The following ANGEL2 variants were observed in gnomAD, a reference collection of about 807,000 sequenced individuals.
ANGEL2 encodes angel homolog 2, also known as RNA 2',3'-cyclic phosphatase ANGEL2.
In ANGEL2, 41 loss-of-function variants were observed where a neutral mutation model predicts 66.0. The ratio of observed to expected loss-of-function variants is 0.62; its 90% CI spans 0.48 to 0.81. The LOEUF (loss-of-function observed/expected upper bound fraction) is 0.81, where lower values mean the gene tolerates loss of function less well. Ranked by LOEUF, ANGEL2 falls within the 30% of genes least tolerant of loss-of-function variation. The probability of loss-of-function intolerance (pLI) is 0.00; values close to 1 mark genes in which losing one functional copy is unlikely to be tolerated. For synonymous variants in ANGEL2, 208 were observed against 226.5 expected (o/e 0.92, Z 0.73); for missense variants, 561 against 641.6 (o/e 0.87, Z 1.36).
In ANGEL2 at chr1:212,997,180, T is replaced by A; in HGVS notation, c.1458A>T (p.Glu486Asp). ...CTGGGTGCCCAGCAACATCTTCCTT[T>A]TCTGCAGAGTAGAAAATATAATCCA... is the stretch of plus-strand genomic sequence containing the variant. Reference protein sequence around the residue: ...ITVDYIFYSAEKEDVAGHPGA... With the variant: ...ITVDYIFYSADKEDVAGHPGA... Residue 486 changes from glutamate to aspartate, a missense_variant, in exon 8 of 9, where the codon GAA becomes GAT. Glu to Asp is a conservative substitution (Grantham distance 45). Transcript: ENST00000366962. The A allele has an allele frequency of 6.2e-7, 1 of 1,613,554 alleles. No individual in the cohort carries two copies. Among genetic ancestry groups the A allele is most frequent in the Non-Finnish European group, 8.5e-7 (1 of 1,179,568 alleles).
intron 1 of ANGEL2, among the ~76,000 whole-genome samples, chr1:213,014,608 A>G (rs1412369866): frequency 6.6e-6 from 1 of 152,244 alleles, no homozygotes; most frequent in Admixed American, 6.5e-5. Context: ...AAAAGCTATT[A>G]TCTATATTTG....
chr1:213,014,582 A>G (rs922656365), intron 1 of ANGEL2, among the ~76,000 whole-genome samples: 3 of 152,242 alleles, frequency 2.0e-5, no homozygotes, highest in Non-Finnish European at 4.4e-5. Context: ...GTATTGAAAT[A>G]TAATACTTGT....
At position 212,992,773 on chromosome 1, in the gene ANGEL2, T is replaced by C. The variant is rs920060003; in HGVS notation, c.*2268A>G. 3.9e-5 allele frequency: 6 copies of C among 152,222 alleles called. No individual in the cohort carries two copies. The highest frequency in any genetic ancestry group is 8.8e-5 in the Non-Finnish European group (6 of 68,034). The allele number at this position is 152,222 out of a possible 1,614,324, so 9.4% of individuals were successfully genotyped here. On this transcript the variant is annotated 3_prime_UTR_variant, in exon 9 of 9. Coordinates refer to ENST00000366962, the MANE Select transcript of ANGEL2 (RefSeq NM_144567.5). ...AAATTTTCACAGAGGTTTTCAGGGA[T>C]GTTTGTTTGTTAACAATGACCTATA...
At chr1:213,015,460 G>T in intron 1 of ANGEL2, 153 bp downstream of exon 1, 1 of 1,449,476 alleles carries the variant, frequency 6.9e-7, no homozygotes, top group South Asian at 1.4e-5. Context: ...GGTCTCTGGA[G>T]GCTCGTCCCG....
chr1:213,006,951 G>A (rs1280555538), intron 4 of ANGEL2, 178 bp downstream of exon 4: 19 of 457,150 alleles, frequency 4.2e-5, no homozygotes, highest in South Asian at 1.0e-4. Flanking sequence ...ATAATTGGCC[G>A]GGCATGGTGG....
Position 212,994,971 on chromosome 1 carries a change from A to C in ANGEL2, c.*70T>G, listed in dbSNP as rs1400530637. On this transcript the variant is annotated 3_prime_UTR_variant, in exon 9 of 9. Coordinates refer to ENST00000366962, the MANE Select transcript of ANGEL2 (RefSeq NM_144567.5). ...GTGCAAAAATAAACAACATGCATAC[A>C]CTTAAGAACTTTACATTCTTTGAAA... 7 of 1,410,458 alleles carry C rather than the reference A, an allele frequency of 5.0e-6. No individual in the cohort carries two copies. The highest frequency in any genetic ancestry group is 6.6e-6 in the Non-Finnish European group (7 of 1,063,598). The allele number at this position is 1,410,458 out of a possible 1,614,324, so 87.4% of individuals were successfully genotyped here.
At chr1:213,004,865 C>CT (rs2076276910) in intron 5 of ANGEL2, among the ~76,000 whole-genome samples, 168 bp downstream of exon 5, 1 of 35,242 alleles carries the variant, frequency 2.8e-5, no homozygotes, top group African/African-American at 1.2e-4. Flanking sequence ...GAGACTGTCT[C>CT]AAAAAAAAAA....
chr1:212,995,636 C>G (rs763408439), intron 8 of ANGEL2, among the ~76,000 whole-genome samples: 5 of 152,194 alleles, frequency 3.3e-5, no homozygotes, highest in Non-Finnish European at 5.9e-5. Flanking sequence ...AGATGACATG[C>G]TCTTTTTGAA....
chr1:213,001,098 T>C (rs1315518076), intron 5 of ANGEL2, 186 bp from the exon 6 acceptor site: 3 of 557,582 alleles, frequency 5.4e-6, no homozygotes. Flanking sequence ...AAAGCACTTA[T>C]CATTTACATA....
At chr1:213,015,278 A>C (rs1048829021) in intron 1 of ANGEL2, 2 of 1,168,880 alleles carry the variant, frequency 1.7e-6, no homozygotes, top group South Asian at 2.9e-5. Flanking sequence ...GGTGCTGCGG[A>C]GTGTGTGGAG....
At chr1:213,001,157 C>T (rs1317595675) in intron 5 of ANGEL2, 12 of 441,404 alleles carry the variant, frequency 2.7e-5, no homozygotes, top group East Asian at 5.0e-5. Context: ...TTTGGACATA[C>T]AAATCATCTA....
rs749051875 is a variant in ANGEL2, at chr1:213,008,414, C to T, written c.438G>A (p.Thr146=). The T allele has an allele frequency of 7.4e-6, 12 of 1,613,910 alleles. No individual in the cohort carries two copies. In the Admixed American group the frequency reaches 1.0e-4, roughly 13 times the overall value. ...EYICSHDKEK[T]KILGDKNVDP... ...CAACATTTTTGTCTCCTAGGATCTT[C>T]GTTTTTTCTTTATCATGGCTACATA... The change falls in exon 3 of 9, where the codon ACG becomes ACA. Residue 146 remains threonine (T), a synonymous_variant. Coordinates refer to ENST00000366962, the MANE Select transcript of ANGEL2 (RefSeq NM_144567.5).
At position 213,015,661 on chromosome 1, in the gene ANGEL2, C is replaced by G; in HGVS notation, c.11G>C (p.Trp4Ser). The change falls in exon 1 of 9, where the codon TGG (tryptophan) becomes TCG (serine). Residue 4 changes from tryptophan to serine, a missense_variant. Coordinates refer to ENST00000366962, the MANE Select transcript of ANGEL2 (RefSeq NM_144567.5). MEA[W>S]RCVRKGYGHC... ...GCCGTAGCCCTTCCTCACACAGCGC[C>G]AGGCTTCCATCTTCGCCCTCCGCGT... The G allele has an allele frequency of 1.9e-6, 3 of 1,614,186 alleles. No homozygotes were observed. The highest frequency in any genetic ancestry group is 2.5e-6 in the Non-Finnish European group (3 of 1,180,042).
rs545863797 is a variant in ANGEL2, at chr1:212,994,236, G to A, written c.*805C>T. 3 of 152,258 alleles carry A rather than the reference G, an allele frequency of 2.0e-5. No homozygotes were observed. The South Asian group carries it at 6.2e-4, about 32-fold the overall frequency. The allele number at this position is 152,258 out of a possible 1,614,324, so 9.4% of individuals were successfully genotyped here. On this transcript the variant is annotated 3_prime_UTR_variant, in exon 9 of 9. Transcript: ENST00000366962. ...GCAGGGGTTGCAGTGAGCAAAGATTGCGCCATTGCACCCCCAGCCTGGGCA... is the reference window on the plus strand; with the variant it reads ...GCAGGGGTTGCAGTGAGCAAAGATTACGCCATTGCACCCCCAGCCTGGGCA...
intron 1 of ANGEL2, 79 bp from the exon 2 acceptor site, chr1:213,013,497 A>T (rs1310204988): frequency 6.9e-6 from 9 of 1,299,308 alleles, no homozygotes. Flanking sequence ...TGTTTCCTCA[A>T]GGGAAGGTAA....
In ANGEL2 at chr1:213,015,829, C is replaced by G; in HGVS notation, c.-158G>C. 1 of 884,528 alleles carries G rather than the reference C, an allele frequency of 1.1e-6. No individual in the cohort carries two copies. The highest frequency in any genetic ancestry group is 1.7e-6 in the Non-Finnish European group (1 of 576,252). The allele number at this position is 884,528 out of a possible 1,614,324, so 54.8% of individuals were successfully genotyped here. On this transcript the variant is annotated 5_prime_UTR_variant, in exon 1 of 9. Coordinates refer to ENST00000366962, the MANE Select transcript of ANGEL2 (RefSeq NM_144567.5). ...TGCTGGGAGGTGCAGTCTCGCCGGC[C>G]GGCCTACACTCCATCTTGCGCAGTC...
intron 1 of ANGEL2, chr1:213,015,231 A>G: frequency 9.4e-7 from 1 of 1,062,030 alleles, no homozygotes; most frequent in Non-Finnish European, 1.1e-6. Flanking sequence ...CCTACTGCGG[A>G]GAGGCGGCCT....
At chr1:212,997,055 A>G (rs1166872812) in intron 8 of ANGEL2, 100 bp downstream of exon 8, 1 of 1,098,628 alleles carries the variant, frequency 9.1e-7, no homozygotes, top group African/African-American at 1.6e-5. Context: ...TTCTAGATCT[A>G]GAACTTCAAC....
chr1:213,014,479 T>A (rs2076587082), intron 1 of ANGEL2, among the ~76,000 whole-genome samples: 2 of 152,372 alleles, frequency 1.3e-5, no homozygotes, highest in South Asian at 4.1e-4. Flanking sequence ...TTTAAAGGCA[T>A]AACATGGGCA....
Sources: gnomAD v4.1 joint callset for allele counts (sites outside exome capture counted in the v4.1 genomes callset) on GRCh38, gnomAD v4.1.1 for gene constraint, MANE v1.5 for transcripts, NCBI Gene and HGNC (gene_info 2026-07-23, HGNC 2026-07-21) for gene names.